DCP2: variants seen among roughly 807,000 people sequenced by gnomAD.
DCP2 encodes the protein decapping mRNA 2.
In DCP2, 30 loss-of-function variants were observed where a neutral mutation model predicts 56.1. That is an observed-to-expected ratio of 0.53 (90% CI 0.40 to 0.73). The LOEUF is 0.73. DCP2 is among the 30% of genes least tolerant of loss of function. The pLI is 0.00. For synonymous variants in DCP2, 197 were observed against 163.3 expected (o/e 1.21, Z -1.57); for missense variants, 533 against 502.7 (o/e 1.06, Z -0.58).
chr5:112,985,226 C>G (rs1005144044), intron 1 of DCP2, among the ~76,000 whole-genome samples: 1 of 151,922 alleles, frequency 6.6e-6, no homozygotes, highest in Admixed American at 6.6e-5. Flanking sequence ...TGTGTACATG[C>G]AATATTAGTG....
At chr5:112,992,968 C>T (rs751840707) in intron 4 of DCP2, among the ~76,000 whole-genome samples, 198 bp downstream of exon 4, 1 of 150,636 alleles carries the variant, frequency 6.6e-6, no homozygotes, top group Non-Finnish European at 1.5e-5. Flanking sequence ...CTTATCTGTT[C>T]CCATTTTTTT....
In DCP2 at chr5:113,010,828, T is replaced by G. The variant is rs754195128; in HGVS notation, c.1099+21T>G. 4 of 1,594,268 alleles carry G rather than the reference T, an allele frequency of 2.5e-6. No individual in the cohort carries two copies. The East Asian group carries it at 9.0e-5, about 36-fold the overall frequency. On this transcript the variant is annotated intron_variant, in intron 10 of 10. Coordinates refer to ENST00000389063, the MANE Select transcript of DCP2 (RefSeq NM_152624.6). Reference sequence around the variant, plus strand: ...AACAGGCAAGTCATTTCCTATCTTTTTATAATCTCTGCCTTGTGGGATTTG... The same window carrying G: ...AACAGGCAAGTCATTTCCTATCTTTGTATAATCTCTGCCTTGTGGGATTTG...
At chr5:112,986,998 G>A (rs1378603738) in intron 2 of DCP2, among the ~76,000 whole-genome samples, 6 of 152,102 alleles carry the variant, frequency 3.9e-5, no homozygotes, top group South Asian at 4.1e-4. Context: ...GTGAGATTCC[G>A]TCTCAAAGAG....
At chr5:112,995,643 A>G (rs535004707) in intron 4 of DCP2, among the ~76,000 whole-genome samples, 1 of 152,338 alleles carries the variant, frequency 6.6e-6, no homozygotes, top group South Asian at 2.1e-4. Flanking sequence ...TCTAACCTCT[A>G]AACATTCTTT....
intron 2 of DCP2, among the ~76,000 whole-genome samples, chr5:112,986,828 C>T (rs1303942159): frequency 6.6e-6 from 1 of 152,066 alleles, no homozygotes; most frequent in African/African-American, 2.4e-5. Context: ...GGCGAAACCT[C>T]ATCTCTACCA....
intron 4 of DCP2, among the ~76,000 whole-genome samples, chr5:112,998,779 G>C (rs531167779): frequency 5.4e-4 from 83 of 152,324 alleles, no homozygotes; most frequent in Non-Finnish European, 3.4e-4. Flanking sequence ...AATTATTTAA[G>C]AGTAAATTGC....
intron 4 of DCP2, among the ~76,000 whole-genome samples, chr5:112,998,746 T>C (rs899182436): frequency 6.6e-6 from 1 of 152,248 alleles, no homozygotes; most frequent in African/African-American, 2.4e-5. Flanking sequence ...TAAATGTGTG[T>C]GCAGAGTTTT....
intron 7 of DCP2, 151 bp from the exon 8 acceptor site, chr5:113,003,791 T>G: frequency 1.2e-6 from 1 of 854,776 alleles, no homozygotes; most frequent in Non-Finnish European, 1.8e-6. Flanking sequence ...CAGTGCAGAT[T>G]AAAATCTCTG....
At chr5:112,978,271 G>A (rs538568625) in intron 1 of DCP2, among the ~76,000 whole-genome samples, 1 of 152,228 alleles carries the variant, frequency 6.6e-6, no homozygotes, top group Non-Finnish European at 1.5e-5. Flanking sequence ...CATCGCGCCC[G>A]GCCTGGAGTT....
chr5:113,006,243 A>G (rs1219901893), intron 8 of DCP2, among the ~76,000 whole-genome samples: 1 of 152,194 alleles, frequency 6.6e-6, no homozygotes, highest in Non-Finnish European at 1.5e-5. Flanking sequence ...TTCCATTCCT[A>G]AATAGGCAAA....
At chr5:112,983,428 A>G (rs1278714753) in intron 1 of DCP2, among the ~76,000 whole-genome samples, 2 of 152,172 alleles carry the variant, frequency 1.3e-5, no homozygotes, top group Admixed American at 1.3e-4. Context: ...AAAAATAGAG[A>G]CGGGGTCTCA....
intron 4 of DCP2, among the ~76,000 whole-genome samples, chr5:112,998,945 C>T (rs1748993484): frequency 6.6e-6 from 1 of 152,214 alleles, no homozygotes; most frequent in African/African-American, 2.4e-5. Context: ...TTCACATTCA[C>T]TAATTGCCCA....
chr5:112,992,152 A>G lies in DCP2; in HGVS notation c.237A>G (p.Gln79=). Residue 79 remains glutamine (Q), a synonymous_variant, in exon 3 of 11, where the codon CAA becomes CAG. Coordinates refer to ENST00000389063, the MANE Select transcript of DCP2 (RefSeq NM_152624.6). ...GTCATTGTCCGTTTTTGCTGCCTCA[A>G]GGTGAAGATGTGGAAAAAGTTTTGG... The part of the protein sequence containing the change: ...VFSHCPFLLP[Q]GEDVEKVLDE... 6.2e-7 allele frequency: 1 copy of G among 1,613,994 alleles called. No homozygotes were observed. Among genetic ancestry groups the G allele is most frequent in the Non-Finnish European group, 8.5e-7 (1 of 1,179,948 alleles).
intron 10 of DCP2, 47 bp from the exon 11 acceptor site, chr5:113,013,274 C>G: frequency 6.4e-7 from 1 of 1,562,456 alleles, no homozygotes; most frequent in Non-Finnish European, 8.7e-7. Flanking sequence ...TATTTGATTT[C>G]TTACTAAGGT....
intron 2 of DCP2, among the ~76,000 whole-genome samples, chr5:112,986,420 C>T (rs1339142805): frequency 6.6e-6 from 1 of 151,332 alleles, no homozygotes; most frequent in Non-Finnish European, 1.5e-5. Flanking sequence ...TTACTGTATT[C>T]TCGAGCTCCT....
At chr5:112,977,856 C>T (rs905365056) in intron 1 of DCP2, among the ~76,000 whole-genome samples, 1 of 151,892 alleles carries the variant, frequency 6.6e-6, no homozygotes, top group Admixed American at 6.6e-5. Flanking sequence ...TTCACAGTTA[C>T]TGTGTTTATG....
chr5:112,993,924 G>A (rs962861582), intron 4 of DCP2, among the ~76,000 whole-genome samples: 2 of 149,622 alleles, frequency 1.3e-5, no homozygotes, highest in African/African-American at 4.9e-5. Flanking sequence ...ATCTCGCTTT[G>A]TTGTCCAGTG....
At position 113,019,993 on chromosome 5, in the gene DCP2, C is replaced by T. The variant is rs546650089; in HGVS notation, c.*6509C>T. The T allele has an allele frequency of 4.5e-4, 69 of 152,184 alleles. No homozygotes were observed. The highest frequency in any genetic ancestry group is 1.7e-3 in the African/African-American group (69 of 41,512). The allele number at this position is 152,184 out of a possible 1,614,324, so 9.4% of individuals were successfully genotyped here. ...TGACTTTTTAATACTGTGCCTATTT[C>T]CAAAAGAAGACTTGATGTGGCTTTT... is the stretch of plus-strand genomic sequence containing the variant. On this transcript the variant is annotated 3_prime_UTR_variant, in exon 11 of 11. Transcript: ENST00000389063.
At chr5:113,005,151 G>GGTGTGT (rs56389236) in intron 8 of DCP2, among the ~76,000 whole-genome samples, 26,319 of 149,414 alleles carry the variant, frequency 0.18, 2,399 homozygotes, top group Middle Eastern at 0.27. Context: ...TGTGCGTGTG[G>GGTGTGT]GTGTGTGTGT....
Sources: allele counts gnomAD v4.1 joint callset (sites outside exome capture counted in the v4.1 genomes callset), GRCh38; gene constraint gnomAD v4.1.1; transcripts MANE v1.5; gene names NCBI Gene and HGNC (gene_info 2026-07-23, HGNC 2026-07-21).